GPC5: variants seen among roughly 807,000 people sequenced by gnomAD.
The protein encoded by GPC5 is glypican-5.
GPC5 carries 47 observed loss-of-function variants against 53.9 expected under a neutral mutation model. The observed-to-expected ratio is 0.87, with a 90% CI of 0.69 to 1.11. GPC5 has a LOEUF of 1.11. Ranked by LOEUF, GPC5 falls within the 50% of genes most tolerant of loss-of-function variation. GPC5 has a pLI of 0.00. For missense variants in GPC5, 748 were observed against 713.1 expected, an observed-to-expected ratio of 1.05 and a Z score of -0.56; for synonymous variants, 286 against 263.3, an observed-to-expected ratio of 1.09 and a Z score of -0.84.
intron 7 of GPC5, among the ~76,000 whole-genome samples, chr13:92,695,717 G>A (rs1887538144): frequency 1.3e-5 from 2 of 148,398 alleles, no homozygotes; most frequent in Admixed American, 6.7e-5. Context: ...TTTTTTTTTA[G>A]TTATTATAAG....
intron 6 of GPC5, among the ~76,000 whole-genome samples, chr13:92,024,582 C>T (rs1051582766): frequency 1.3e-5 from 2 of 152,136 alleles, no homozygotes; most frequent in Non-Finnish European, 2.9e-5. Context: ...GCAATACTGT[C>T]ATGACTCTCT....
At chr13:92,477,970 A>G (rs2139429759) in intron 7 of GPC5, among the ~76,000 whole-genome samples, 1 of 152,298 alleles carries the variant, frequency 6.6e-6, no homozygotes, top group Admixed American at 6.6e-5. Context: ...TTTATTTTCC[A>G]AAGCCAGCTC....
At chr13:92,259,044 A>G (rs2042746767) in intron 7 of GPC5, among the ~76,000 whole-genome samples, 1 of 152,224 alleles carries the variant, frequency 6.6e-6, no homozygotes, top group South Asian at 2.1e-4. Context: ...GTATAAAATT[A>G]CAATGCTGCT....
At chr13:92,750,220 GAA>G (rs908230146) in intron 7 of GPC5, among the ~76,000 whole-genome samples, 2 of 151,652 alleles carry the variant, frequency 1.3e-5, no homozygotes, top group African/African-American at 4.8e-5. Context: ...CAAGACTCTA[GAA>G]AAAAAAGTTT....
intron 7 of GPC5, among the ~76,000 whole-genome samples, chr13:92,574,386 C>T (rs920098978): frequency 6.6e-6 from 1 of 152,088 alleles, no homozygotes; most frequent in African/African-American, 2.4e-5. Flanking sequence ...CATTCTGAAG[C>T]TAATAAATTA....
At chr13:92,765,257 G>A (rs1030116310) in intron 7 of GPC5, among the ~76,000 whole-genome samples, 1 of 152,132 alleles carries the variant, frequency 6.6e-6, no homozygotes, top group African/African-American at 2.4e-5. Context: ...ACAGCCTGAT[G>A]AATTTAAGAA....
At chr13:92,312,948 C>A (rs912072106) in intron 7 of GPC5, among the ~76,000 whole-genome samples, 6 of 151,978 alleles carry the variant, frequency 3.9e-5, no homozygotes, top group South Asian at 2.1e-4. Flanking sequence ...TTTCAAAATG[C>A]CTTTTTTGAG....
intron 7 of GPC5, among the ~76,000 whole-genome samples, chr13:92,714,092 A>C (rs560946228): frequency 2.6e-5 from 4 of 152,144 alleles, no homozygotes; most frequent in Non-Finnish European, 4.4e-5. Context: ...AATACCTAGA[A>C]AGGTGATTTA....
chr13:91,686,035 T>C (rs1393735826), intron 2 of GPC5, among the ~76,000 whole-genome samples: 1 of 152,012 alleles, frequency 6.6e-6, no homozygotes, highest in African/African-American at 2.4e-5. Flanking sequence ...AACTCTTCCG[T>C]ATAGCTCCTT....
At chr13:91,524,722 G>T (rs1886005195) in intron 2 of GPC5, among the ~76,000 whole-genome samples, 1 of 152,124 alleles carries the variant, frequency 6.6e-6, no homozygotes, top group African/African-American at 2.4e-5. Flanking sequence ...ACTGATAGGA[G>T]CTGAGGGCCA....
intron 7 of GPC5, among the ~76,000 whole-genome samples, chr13:92,799,419 A>G (rs1170464269): frequency 6.6e-6 from 1 of 151,840 alleles, no homozygotes; most frequent in African/African-American, 2.4e-5. Flanking sequence ...ATAATAACAC[A>G]TAATCACTGA....
Position 92,483,284 on chromosome 13 carries a change from T to C in GPC5, c.1561+338295T>C, listed in dbSNP as rs149216277. On this transcript the variant is annotated intron_variant, in intron 7 of 7. Transcript: ENST00000377067. ...AGCATACTTACACCAACCTAGATGATACAGCCCACTCCCCACCTAAGGCTA... is the reference window on the plus strand; with the variant it reads ...AGCATACTTACACCAACCTAGATGACACAGCCCACTCCCCACCTAAGGCTA... Among the ~76,000 whole-genome samples, 731 of 152,312 alleles carry C rather than the reference T, an allele frequency of 4.8e-3. 7 individuals are homozygous for C. Among genetic ancestry groups the C allele is most frequent in the African/African-American group, 0.016 (668 of 41,548 alleles).
At chr13:92,250,924 C>A (rs775087332) in intron 7 of GPC5, among the ~76,000 whole-genome samples, 3 of 151,838 alleles carry the variant, frequency 2.0e-5, no homozygotes, top group African/African-American at 7.3e-5. Context: ...GAAATCTGTT[C>A]GGAAAAAATG....
intron 1 of GPC5, among the ~76,000 whole-genome samples, chr13:91,420,419 A>G (rs1172505216): frequency 6.6e-6 from 1 of 152,212 alleles, no homozygotes; most frequent in Admixed American, 6.5e-5. Flanking sequence ...TAGGAAACCA[A>G]GGAGTCTCCG....
At position 92,024,261 on chromosome 13, in the gene GPC5, T is replaced by C. The variant is rs1484888580; in HGVS notation, c.1401+116204T>C. 2.6e-5 allele frequency among the ~76,000 whole-genome samples: 4 copies of C among 152,300 alleles called. No homozygotes were observed. In the East Asian group the frequency reaches 7.7e-4, roughly 29 times the overall value. On this transcript the variant is annotated intron_variant, in intron 6 of 7. Transcript: ENST00000377067. ...GTAGGAAACTTTTCTTTTTGTTTTA[T>C]ATATTTTCAGTTTTTAAACACTGTA... is the stretch of plus-strand genomic sequence containing the variant.
At chr13:91,599,585 C>T (rs1321224763) in intron 2 of GPC5, among the ~76,000 whole-genome samples, 4 of 151,912 alleles carry the variant, frequency 2.6e-5, no homozygotes, top group Non-Finnish European at 5.9e-5. Flanking sequence ...AAAAAATATA[C>T]ATAAGTAAAA....
chr13:92,681,199 TAAAA>T (rs540943719), intron 7 of GPC5, among the ~76,000 whole-genome samples: 2 of 151,826 alleles, frequency 1.3e-5, no homozygotes, highest in Admixed American at 1.3e-4. Flanking sequence ...ATTGATAAAA[TAAAA>T]AAAATTCCAA....
chr13:92,248,000 A>G (rs904173993), intron 7 of GPC5, among the ~76,000 whole-genome samples: 1 of 152,132 alleles, frequency 6.6e-6, no homozygotes, highest in African/African-American at 2.4e-5. Flanking sequence ...CATAAACATG[A>G]TAAATAACAC....
At chr13:91,812,264 C>T (rs975107848) in intron 5 of GPC5, among the ~76,000 whole-genome samples, 13 of 152,142 alleles carry the variant, frequency 8.5e-5, no homozygotes, top group African/African-American at 3.1e-4. Context: ...TGTTCTATTT[C>T]TTAGAACTGT....
Sources: allele counts gnomAD v4.1 joint callset (sites outside exome capture counted in the v4.1 genomes callset), GRCh38; gene constraint gnomAD v4.1.1; transcripts MANE v1.5; gene names NCBI Gene and HGNC (gene_info 2026-07-23, HGNC 2026-07-21).